Variants in GUCY2C observed in about 807,000 individuals in gnomAD.
The protein encoded by GUCY2C is guanylate cyclase 2C.
GUCY2C carries 118 observed loss-of-function variants against 131.1 expected under a neutral mutation model. The ratio of observed to expected loss-of-function variants is 0.90; its 90% confidence interval spans 0.78 to 1.05. The LOEUF (loss-of-function observed/expected upper bound fraction) is 1.05, where lower values mean the gene tolerates loss of function less well. GUCY2C is among the 50% of genes least tolerant of loss of function. GUCY2C has a pLI of 0.00. For missense variants in GUCY2C, 1,161 were observed against 1,304.4 expected (o/e 0.89, Z 1.69); for synonymous variants, 452 against 457.8 (o/e 0.99, Z 0.16).
At chr12:14,618,662 G>A (rs1263781182) in intron 24 of GUCY2C, among the ~76,000 whole-genome samples, 1 of 152,074 alleles carries the variant, frequency 6.6e-6, no homozygotes, top group Non-Finnish European at 1.5e-5. Flanking sequence ...TTATCTGGAT[G>A]TGCTGGTATG....
rs555032027 is a variant in GUCY2C at position 14,679,419 on chromosome 12, A to C, written c.830+238T>G. ...AGTCATAAATGGACATGTGGGTTCA[A>C]TGGGGCTATAATAAACCTTTTATAT... On this transcript the variant is annotated intron_variant, in intron 6 of 26. Coordinates refer to ENST00000261170, the MANE Select transcript of GUCY2C (RefSeq NM_004963.4). Among the ~76,000 whole-genome samples the C allele has an allele frequency of 6.6e-5, 10 of 152,290 alleles. 1 individual carries two copies. Among genetic ancestry groups the C allele is most frequent in the African/African-American group, 2.4e-4 (10 of 41,560 alleles).
At chr12:14,616,128 G>A (rs1157776617) in intron 25 of GUCY2C, among the ~76,000 whole-genome samples, 14 of 152,140 alleles carry the variant, frequency 9.2e-5, no homozygotes, top group Admixed American at 9.2e-4. Flanking sequence ...AGGCCTGGTA[G>A]AGTGTCCACA....
At chr12:14,625,996 T>C in intron 20 of GUCY2C, 81 bp from the exon 21 acceptor site, 1 of 810,248 alleles carries the variant, frequency 1.2e-6, no homozygotes, top group Non-Finnish European at 2.0e-6. Flanking sequence ...ACAAATATGA[T>C]GAACAGATAA....
intron 24 of GUCY2C, 72 bp downstream of exon 24, chr12:14,619,139 T>A: frequency 1.2e-6 from 1 of 851,404 alleles, no homozygotes; most frequent in Non-Finnish European, 2.0e-6. Context: ...TTATTGTGCA[T>A]TTTATCTCAC....
chr12:14,691,353 G>A (rs1358676293), intron 1 of GUCY2C, among the ~76,000 whole-genome samples: 1 of 152,138 alleles, frequency 6.6e-6, no homozygotes, highest in Non-Finnish European at 1.5e-5. Flanking sequence ...GTGTAACCGC[G>A]AGTCAGCTTC....
At position 14,639,914 on chromosome 12, in the gene GUCY2C, T is replaced by C; in HGVS notation, c.2105A>G (p.Lys702Arg). The stretch of plus-strand genomic sequence containing the variant: ...CAAGAATAAATCTGGGCGGAAGGGT[T>C]TCATTCCATTGGAATTTTCCACTCT... ...IFRVENSNGM[K>R]PFRPDLFLET... Residue 702 changes from lysine to arginine, a missense_variant, in exon 19 of 27, where the codon AAA becomes AGA. By Grantham distance (26) the Lys-to-Arg change is conservative. Transcript: ENST00000261170. 1 of 1,611,796 alleles carries C rather than the reference T, an allele frequency of 6.2e-7. No homozygotes were observed.
At chr12:14,624,837 A>G (rs1946974180) in intron 21 of GUCY2C, among the ~76,000 whole-genome samples, 1 of 152,246 alleles carries the variant, frequency 6.6e-6, no homozygotes. Context: ...CAGCTGATTC[A>G]AACCACTTGA....
chr12:14,684,617 CTTCCTTCCTTCCT>C (rs1421071930), intron 3 of GUCY2C, among the ~76,000 whole-genome samples: 16 of 19,618 alleles, frequency 8.2e-4, no homozygotes, highest in African/African-American at 2.6e-3. Flanking sequence ...TCCTTCCTTC[CTTCCTTCCTTCCT>C]TTCCTTTCCT....
rs1306979270 is a variant in GUCY2C, at chr12:14,681,393, A to G, written c.696T>C (p.Phe232=). The part of the protein sequence containing the change: ...FKVVLRQDKE[F]QDILMDHNRK... ...TGTTGTGGTCCATTAAGATATCCTG[A>G]AACTCCTTATCTTGTCTTAACACCA... The change falls in exon 5 of 27, where the codon TTT becomes TTC. Residue 232 remains phenylalanine, a synonymous_variant. Coordinates refer to ENST00000261170, the MANE Select transcript of GUCY2C (RefSeq NM_004963.4). 11 of 1,612,406 alleles carry G rather than the reference A, an allele frequency of 6.8e-6. No individual in the cohort carries two copies. The highest frequency in any genetic ancestry group is 9.3e-6 in the Non-Finnish European group (11 of 1,178,534).
chr12:14,661,500 G>A (rs1019743207), intron 10 of GUCY2C, among the ~76,000 whole-genome samples: 13 of 152,054 alleles, frequency 8.5e-5, no homozygotes, highest in East Asian at 1.9e-4. Flanking sequence ...GTGCAGTGGC[G>A]CAGTCTTGGC....
intron 6 of GUCY2C, 117 bp from the exon 7 acceptor site, chr12:14,677,088 T>G (rs2137082245): frequency 2.7e-6 from 1 of 373,996 alleles, no homozygotes; most frequent in South Asian, 9.6e-5. Context: ...TTTTTTTCAT[T>G]AATCTGCAAA....
In GUCY2C at chr12:14,633,771, A is replaced by T. The variant is rs1244584356; in HGVS notation, c.2158-5034T>A. 2.6e-5 allele frequency among the ~76,000 whole-genome samples: 4 copies of T among 152,110 alleles called. No homozygotes were observed. The East Asian group carries it at 5.8e-4, about 22-fold the overall frequency. Reference sequence around the variant, plus strand: ...AAGAAGTCATTCAATAAAACACAAGATATATTGGAAAGCTTCAACAATATG... The same window carrying T: ...AAGAAGTCATTCAATAAAACACAAGTTATATTGGAAAGCTTCAACAATATG... On this transcript the variant is annotated intron_variant, in intron 19 of 26. Coordinates refer to ENST00000261170, the MANE Select transcript of GUCY2C (RefSeq NM_004963.4).
intron 12 of GUCY2C, among the ~76,000 whole-genome samples, chr12:14,654,360 T>C (rs1170537395): frequency 6.6e-6 from 1 of 152,190 alleles, no homozygotes; most frequent in African/African-American, 2.4e-5. Flanking sequence ...TCGGGTGACC[T>C]TGGGTTTTCT....
At chr12:14,681,022 T>C (rs1948337675) in intron 5 of GUCY2C, among the ~76,000 whole-genome samples, 1 of 152,118 alleles carries the variant, frequency 6.6e-6, no homozygotes, top group Non-Finnish European at 1.5e-5. Flanking sequence ...TCCAATAATA[T>C]GTTGGATTGA....
intron 14 of GUCY2C, 32 bp from the exon 15 acceptor site, chr12:14,651,543 TA>T (rs1312627960): frequency 8.7e-7 from 1 of 1,155,110 alleles, no homozygotes; most frequent in Admixed American, 1.8e-5. Flanking sequence ...CAAAGCAAAT[TA>T]GGCAGAATGG....
Position 14,619,207 on chromosome 12 carries a change from T to G in GUCY2C, c.2875+4A>C. On this transcript the variant is annotated splice_donor_region_variant and intron_variant, in intron 24 of 26. Coordinates refer to ENST00000261170, the MANE Select transcript of GUCY2C (RefSeq NM_004963.4). ...CCTCTGAGAAAAACAGTCTCCCTTC[T>G]TACGGAGGCCAGTGGATTCCATCCT... 6.4e-7 allele frequency: 1 copy of G among 1,556,770 alleles called. No homozygotes were observed. Among genetic ancestry groups the G allele is most frequent in the South Asian group, 1.1e-5 (1 of 89,712 alleles).
At chr12:14,629,470 G>A (rs563823438) in intron 19 of GUCY2C, among the ~76,000 whole-genome samples, 2 of 152,270 alleles carry the variant, frequency 1.3e-5, no homozygotes, top group African/African-American at 4.8e-5. Context: ...AGTTAATCAC[G>A]TATGTCTTTA....
At chr12:14,615,564 T>TA in intron 25 of GUCY2C, among the ~76,000 whole-genome samples, 1 of 150,942 alleles carries the variant, frequency 6.6e-6, no homozygotes, top group Middle Eastern at 3.5e-3. Context: ...AGTGAACCAC[T>TA]ATTTTTAAAA....
At chr12:14,671,043 C>A (rs953771232) in intron 9 of GUCY2C, among the ~76,000 whole-genome samples, 1 of 151,694 alleles carries the variant, frequency 6.6e-6, no homozygotes, top group African/African-American at 2.4e-5. Context: ...GACCAGCCCC[C>A]GTGATTCAAT....
Sources: gnomAD v4.1 joint callset for allele counts (sites outside exome capture counted in the v4.1 genomes callset) on GRCh38, gnomAD v4.1.1 for gene constraint, MANE v1.5 for transcripts, NCBI Gene and HGNC (gene_info 2026-07-23, HGNC 2026-07-21) for gene names.